Variants in RIMBP2 observed in about 807,000 individuals in gnomAD.
RIMBP2 encodes the protein RIMS binding protein 2, also known as RIMS-binding protein 2.
Under a neutral mutation model 118.6 loss-of-function variants are expected in RIMBP2, and 48 were observed. The observed-to-expected ratio is 0.40, with a 90% CI of 0.32 to 0.51. RIMBP2 has a LOEUF of 0.51. Among genes scored for constraint, RIMBP2 ranks in the 20% least tolerant of loss-of-function variants. The pLI is 0.41. For missense variants in RIMBP2, 1,551 were observed against 1,768.3 expected, an observed-to-expected ratio of 0.88 and a Z score of 2.20; for synonymous variants, 762 against 742.9, an observed-to-expected ratio of 1.03 and a Z score of -0.42.
intron 5 of RIMBP2, among the ~76,000 whole-genome samples, chr12:130,476,182 A>G (rs1052080874): frequency 6.6e-6 from 1 of 152,186 alleles, no homozygotes; most frequent in Admixed American, 6.5e-5. Flanking sequence ...CGGGTCAAAG[A>G]AAACGAGGAC....
chr12:130,685,964 C>T (rs2065022777), intron 1 of RIMBP2, among the ~76,000 whole-genome samples: 1 of 152,180 alleles, frequency 6.6e-6, no homozygotes, highest in Non-Finnish European at 1.5e-5. Context: ...CCCCAGAAGG[C>T]CCCCAGCATC....
intron 4 of RIMBP2, among the ~76,000 whole-genome samples, chr12:130,496,189 G>A (rs1164099816): frequency 6.6e-6 from 1 of 152,172 alleles, no homozygotes; most frequent in Non-Finnish European, 1.5e-5. Flanking sequence ...ATTGGATCAT[G>A]GGGGCGGTGT....
In RIMBP2 at chr12:130,441,906, G is replaced by A; in HGVS notation, c.1446C>T (p.Leu482=). ...LAKPHQMPWQ[L]PLEQREKKEA... ...CCTTCTTCTCCCTTTGCTCCAGCGG[G>A]AGCTGCCACGGCATCTGGTGGGGTT... Residue 482 remains leucine, a synonymous_variant, in exon 11 of 23, where the codon CTC becomes CTT. Transcript: ENST00000690449. The A allele has an allele frequency of 6.2e-7, 1 of 1,613,872 alleles. No homozygotes were observed. The highest frequency in any genetic ancestry group is 1.3e-5 in the African/African-American group (1 of 75,072).
At chr12:130,559,601 G>GT (rs2056651011) in intron 2 of RIMBP2, among the ~76,000 whole-genome samples, 1 of 152,180 alleles carries the variant, frequency 6.6e-6, no homozygotes, top group African/African-American at 2.4e-5. Context: ...CTTGGCGATG[G>GT]GGAACCTCAT....
At chr12:130,593,725 A>C (rs2059408590) in intron 2 of RIMBP2, among the ~76,000 whole-genome samples, 1 of 152,234 alleles carries the variant, frequency 6.6e-6, no homozygotes, top group Non-Finnish European at 1.5e-5. Context: ...TAAACACTGC[A>C]TGCCAAGCAC....
chr12:130,665,938 A>T (rs1419766856), intron 1 of RIMBP2, among the ~76,000 whole-genome samples: 1 of 152,112 alleles, frequency 6.6e-6, no homozygotes, highest in Non-Finnish European at 1.5e-5. Context: ...GGAGTATCAC[A>T]TCTGGAACTC....
At chr12:130,667,123 GAA>G (rs2063978848) in intron 1 of RIMBP2, among the ~76,000 whole-genome samples, 1 of 61,836 alleles carries the variant, frequency 1.6e-5, no homozygotes. Context: ...ATGAGGGAGG[GAA>G]GGAAGGAGAG....
intron 2 of RIMBP2, among the ~76,000 whole-genome samples, chr12:130,567,766 C>T (rs1223102151): frequency 6.6e-6 from 1 of 152,150 alleles, no homozygotes; most frequent in African/African-American, 2.4e-5. Flanking sequence ...CCCACCTCTT[C>T]CCCCTGGTCC....
intron 11 of RIMBP2, among the ~76,000 whole-genome samples, chr12:130,440,124 G>A (rs1353391778): frequency 5.0e-4 from 64 of 126,960 alleles, no homozygotes; most frequent in Middle Eastern, 9.0e-3. Context: ...AACCCTGGCC[G>A]TACCTGCACC....
rs769790649 is a variant in RIMBP2, at chr12:130,399,681, T to C, written c.3898A>G (p.Arg1300Gly). ...AAAGGCTAAATAGGTTTGCTTACCCTTTTTGCCTTTGAGCGCATTGGCGTA... is the reference window on the plus strand; with the variant it reads ...AAAGGCTAAATAGGTTTGCTTACCCCTTTTGCCTTTGAGCGCATTGGCGTA... ...QDTPMRSKAK[R>G]VPPEGSGTAR... The change falls in exon 22 of 23, where the codon AGG becomes GGG. Residue 1300 changes from arginine to glycine, a missense_variant and splice_region_variant. Around this residue, in one of 5 missense-constraint regions of RIMBP2, gnomAD observed 1,038 missense variants for 1,125.1 expected, o/e 0.92. Transcript: ENST00000690449. 6.2e-7 allele frequency: 1 copy of C among 1,613,932 alleles called. No homozygotes were observed. The highest frequency in any genetic ancestry group is 1.1e-5 in the South Asian group (1 of 91,048).
rs188494812 is a variant in RIMBP2 at position 130,652,088 on chromosome 12, G to A, written c.-351-23632C>T. Among the ~76,000 whole-genome samples, 366 of 152,196 alleles carry A rather than the reference G, an allele frequency of 2.4e-3. 1 individual carries two copies. The highest frequency in any genetic ancestry group is 7.9e-3 in the African/African-American group (329 of 41,524). On this transcript the variant is annotated intron_variant, in intron 1 of 22. Coordinates refer to ENST00000690449, the MANE Select transcript of RIMBP2 (RefSeq NM_001393629.1). ...GCATTGAATGTTTTGATTAATTTGG[G>A]TTTTTTAAATACTCTTCTTCATATA... is the stretch of plus-strand genomic sequence containing the variant.
intron 1 of RIMBP2, among the ~76,000 whole-genome samples, chr12:130,707,694 A>T (rs1442367381): frequency 2.0e-5 from 3 of 152,070 alleles, no homozygotes; most frequent in Non-Finnish European, 2.9e-5. Flanking sequence ...TTGCAGGCAG[A>T]GGTGGACACA....
intron 3 of RIMBP2, among the ~76,000 whole-genome samples, chr12:130,512,297 A>G (rs2138946985): frequency 6.6e-6 from 1 of 151,676 alleles, no homozygotes; most frequent in East Asian, 2.0e-4. Context: ...TCCCCGCTGC[A>G]TCAAGGTCTC....
intron 2 of RIMBP2, among the ~76,000 whole-genome samples, chr12:130,616,752 C>G (rs1053432723): frequency 6.6e-6 from 1 of 152,206 alleles, no homozygotes; most frequent in African/African-American, 2.4e-5. Flanking sequence ...GCTCTGGAGT[C>G]TCTCCAGTGA....
chr12:130,447,953 A>G lies in RIMBP2; in HGVS notation c.581+2247T>C, dbSNP rs1348721185. On this transcript the variant is annotated intron_variant, in intron 9 of 22. Transcript: ENST00000690449. The surrounding 1 kb of genome is among the most constrained non-coding windows in gnomAD (Gnocchi z 4.4). ...TGCTGAATAATGACAGCAAGAGGAG[A>G]CACTGATTAGACCCGGGGCAGAAAA... Among the ~76,000 whole-genome samples the G allele has an allele frequency of 6.6e-6, 1 of 151,972 alleles. No homozygotes were observed. Among genetic ancestry groups the G allele is most frequent in the Non-Finnish European group, 1.5e-5 (1 of 67,986 alleles).
chr12:130,669,952 G>T (rs542336027), intron 1 of RIMBP2, among the ~76,000 whole-genome samples: 1 of 152,112 alleles, frequency 6.6e-6, no homozygotes, highest in African/African-American at 2.4e-5. Context: ...TAAGAATGTC[G>T]CCTTATTTGG....
In RIMBP2 at chr12:130,703,393, T is replaced by C. The variant is rs940228484; in HGVS notation, c.-352+12829A>G. ...TAACATCAGTGTTTGAAAATGACCT[T>C]GTGTTAGAACTGTGGTGGGAAGAGT... On this transcript the variant is annotated intron_variant, in intron 1 of 22. Transcript: ENST00000690449. This position sits in a 1 kb window ranked among gnomAD's most constrained non-coding sequence, Gnocchi z 5.7. Among the ~76,000 whole-genome samples, 3 of 152,228 alleles carry C rather than the reference T, an allele frequency of 2.0e-5. No homozygotes were observed. The highest frequency in any genetic ancestry group is 4.4e-5 in the Non-Finnish European group (3 of 68,038).
intron 21 of RIMBP2, among the ~76,000 whole-genome samples, chr12:130,404,828 C>T: frequency 6.6e-6 from 1 of 152,026 alleles, no homozygotes; most frequent in East Asian, 1.9e-4. Flanking sequence ...CATAAAAATG[C>T]ATTATAAAAA....
At chr12:130,521,504 A>G (rs2052108785) in intron 2 of RIMBP2, among the ~76,000 whole-genome samples, 2 of 152,358 alleles carry the variant, frequency 1.3e-5, no homozygotes, top group Admixed American at 1.3e-4. Flanking sequence ...AGGCACCAGC[A>G]CGTCAGTCAG....
Sources: gnomAD v4.1 joint callset for allele counts (sites outside exome capture counted in the v4.1 genomes callset) on GRCh38, gnomAD v4.1.1 for gene constraint, gnomAD v4.1.1 regional missense constraint, Gnocchi (gnomAD v3.1) non-coding constraint, MANE v1.5 for transcripts, NCBI Gene and HGNC (gene_info 2026-07-23, HGNC 2026-07-21) for gene names.